Variants in VPS13A observed in about 807,000 individuals in gnomAD.
VPS13A encodes intermembrane lipid transfer protein VPS13A.
A neutral mutation model predicts 390.9 loss-of-function variants in VPS13A; 264 were observed. The observed-to-expected ratio is 0.68, with a 90% CI of 0.61 to 0.75. The LOEUF (loss-of-function observed/expected upper bound fraction) is 0.75. VPS13A is among the 30% of genes least tolerant of loss of function. The pLI is 0.00. For missense variants in VPS13A, 3,409 were observed against 3,733.9 expected (o/e 0.91, Z 2.27); for synonymous variants, 1,231 against 1,227.1 (o/e 1.00, Z -0.07).
rs773356967 is a variant in VPS13A at position 77,332,026 on chromosome 9, C to T, written c.6008C>T (p.Ser2003Leu). The change falls in exon 46 of 72, where the codon TCA (serine) becomes TTA (leucine). Residue 2003 changes from serine to leucine, a missense_variant. Ser to Leu is a moderately radical substitution (Grantham distance 145). Around this residue, in one of 5 missense-constraint regions of VPS13A, gnomAD observed 2,717 missense variants for 2,917.4 expected, o/e 0.93. Coordinates refer to ENST00000360280, the MANE Select transcript of VPS13A (RefSeq NM_033305.3). ...CTTTCCCAGATAAGAAATCATTTTT[C>T]AGTCCCACTGTCTGTTTACGAAGGG... ...RSPVQIRNHF[S>L]VPLSVYEGDT... is the part of the protein sequence containing the mutation. The T allele has an allele frequency of 6.2e-6, 10 of 1,609,758 alleles. No homozygotes were observed. In the South Asian group the frequency reaches 1.1e-4, roughly 18 times the overall value.
chr9:77,365,325 T>C (rs572574956), intron 59 of VPS13A, 135 bp from the exon 60 acceptor site: 6 of 653,256 alleles, frequency 9.2e-6, no homozygotes, highest in Non-Finnish European at 1.7e-5. Flanking sequence ...AGATGTTACT[T>C]TCCCTTCTGA....
chr9:77,275,922 T>C, intron 25 of VPS13A, 143 bp from the exon 26 acceptor site: 1 of 892,830 alleles, frequency 1.1e-6, no homozygotes. Context: ...ATTGTATGTC[T>C]GTGTGGGTAT....
intron 67 of VPS13A, among the ~76,000 whole-genome samples, chr9:77,375,134 G>A (rs1295566152): frequency 6.6e-6 from 1 of 152,064 alleles, no homozygotes; most frequent in Non-Finnish European, 1.5e-5. Flanking sequence ...AACATATGAA[G>A]GCTTCTTTCA....
At chr9:77,332,803 C>A (rs1036754530) in intron 46 of VPS13A, among the ~76,000 whole-genome samples, 5 of 151,950 alleles carry the variant, frequency 3.3e-5, no homozygotes, top group African/African-American at 1.2e-4. Context: ...GTTTAAATAC[C>A]ATTTTAGAAT....
chr9:77,351,536 C>T, intron 53 of VPS13A, 90 bp downstream of exon 53: 1 of 1,515,094 alleles, frequency 6.6e-7, no homozygotes, highest in South Asian at 1.1e-5. Flanking sequence ...GTAATCCCAG[C>T]ACTTTTGGGA....
intron 35 of VPS13A, among the ~76,000 whole-genome samples, chr9:77,312,064 A>G (rs558858757): frequency 5.3e-4 from 80 of 152,302 alleles, no homozygotes; most frequent in South Asian, 4.6e-3. Context: ...AATAAGTTTT[A>G]AAATCAAAGA....
At chr9:77,200,902 T>C (rs1339977090) in intron 2 of VPS13A, among the ~76,000 whole-genome samples, 2 of 152,340 alleles carry the variant, frequency 1.3e-5, no homozygotes, top group East Asian at 3.9e-4. Flanking sequence ...TTCAGTTTCA[T>C]GTTTTTGCGA....
intron 1 of VPS13A, 35 bp downstream of exon 1, chr9:77,177,839 C>A (rs753678619): frequency 2.0e-5 from 31 of 1,574,706 alleles, no homozygotes; most frequent in Middle Eastern, 2.0e-4. Flanking sequence ...CCCGGCCTCT[C>A]GTGCTTCCCG....
chr9:77,179,803 A>C (rs1823898811), intron 1 of VPS13A, among the ~76,000 whole-genome samples: 1 of 151,428 alleles, frequency 6.6e-6, no homozygotes, highest in Admixed American at 6.6e-5. Context: ...CCACTCTCTC[A>C]TTCCGGAATA....
chr9:77,302,368 C>CTTTTTTT (rs58598132), intron 33 of VPS13A, among the ~76,000 whole-genome samples: 1 of 117,812 alleles, frequency 8.5e-6, no homozygotes. Flanking sequence ...TATTTTTCCC[C>CTTTTTTT]TTTTTTTTTT....
intron 69 of VPS13A, among the ~76,000 whole-genome samples, chr9:77,404,941 A>G (rs1286164978): frequency 6.6e-6 from 1 of 152,128 alleles, no homozygotes; most frequent in Non-Finnish European, 1.5e-5. Context: ...AGAGATAGAT[A>G]TAAATCCTGG....
chr9:77,387,066 A>C (rs1264167039), intron 68 of VPS13A, among the ~76,000 whole-genome samples: 1 of 152,098 alleles, frequency 6.6e-6, no homozygotes, highest in African/African-American at 2.4e-5. Context: ...TTATCTTTTC[A>C]AACCTCTTGA....
At chr9:77,235,941 T>G (rs1040283225) in intron 17 of VPS13A, among the ~76,000 whole-genome samples, 3 of 152,196 alleles carry the variant, frequency 2.0e-5, no homozygotes, top group African/African-American at 7.2e-5. Flanking sequence ...ATACAACCTT[T>G]GTTTTTCACT....
chr9:77,212,970 C>T lies in VPS13A; in HGVS notation c.557C>T (p.Thr186Ile). 1 of 1,613,734 alleles carries T rather than the reference C, an allele frequency of 6.2e-7. No homozygotes were observed. The highest frequency in any genetic ancestry group is 8.5e-7 in the Non-Finnish European group (1 of 1,179,896). The change falls in exon 8 of 72, where the codon ACA becomes ATA. Residue 186 changes from threonine to isoleucine, a missense_variant and splice_region_variant. Thr to Ile is a moderately conservative substitution (Grantham distance 89). Around this residue, in one of 5 missense-constraint regions of VPS13A, gnomAD observed 2,717 missense variants for 2,917.4 expected, o/e 0.93. Coordinates refer to ENST00000360280, the MANE Select transcript of VPS13A (RefSeq NM_033305.3). Reference protein sequence around the residue: ...GISLQNLSMQTTDQYWVPCLH... With the variant: ...GISLQNLSMQITDQYWVPCLH... ...GCCATTGTTTTTTTTCCTTTTCAGA[C>T]AACTGATCAATACTGGGTTCCATGT...
At chr9:77,313,058 A>G (rs1829184016) in intron 35 of VPS13A, among the ~76,000 whole-genome samples, 1 of 152,158 alleles carries the variant, frequency 6.6e-6, no homozygotes, top group Admixed American at 6.5e-5. Flanking sequence ...AGGATAAACT[A>G]TTTCATTCCA....
intron 35 of VPS13A, among the ~76,000 whole-genome samples, chr9:77,312,658 G>C (rs963170185): frequency 3.3e-5 from 5 of 151,898 alleles, no homozygotes; most frequent in African/African-American, 1.2e-4. Flanking sequence ...CTCGTGATCC[G>C]CCTGCCTTGG....
At chr9:77,372,980 A>C (rs939438375) in intron 67 of VPS13A, among the ~76,000 whole-genome samples, 1 of 152,106 alleles carries the variant, frequency 6.6e-6, no homozygotes, top group Non-Finnish European at 1.5e-5. Context: ...TCAAGGAAAT[A>C]AAAGAGGATA....
At chr9:77,383,402 A>G (rs1170857651) in intron 68 of VPS13A, among the ~76,000 whole-genome samples, 6 of 152,054 alleles carry the variant, frequency 3.9e-5, no homozygotes, top group African/African-American at 1.4e-4. Context: ...TCTTTGGAAG[A>G]TAGTAAATTT....
At chr9:77,207,612 T>C (rs1455216896) in intron 5 of VPS13A, among the ~76,000 whole-genome samples, 1 of 152,082 alleles carries the variant, frequency 6.6e-6, no homozygotes, top group Non-Finnish European at 1.5e-5. Context: ...TGTTCTCCCA[T>C]GTACAAAATT....
Sources: gnomAD v4.1 joint callset for allele counts (sites outside exome capture counted in the v4.1 genomes callset) on GRCh38, gnomAD v4.1.1 for gene constraint, gnomAD v4.1.1 regional missense constraint, MANE v1.5 for transcripts, NCBI Gene and HGNC (gene_info 2026-07-23, HGNC 2026-07-21) for gene names.